TEX14: variants seen among roughly 807,000 people sequenced by gnomAD.
TEX14 encodes the protein inactive serine/threonine-protein kinase TEX14.
In TEX14, 168 loss-of-function variants were observed where a neutral mutation model predicts 178.6. That is an observed-to-expected ratio of 0.94 (90% CI 0.83 to 1.07). The LOEUF is 1.07. Among genes scored for constraint, TEX14 ranks in the 50% least tolerant of loss-of-function variants. The pLI is 0.00. For synonymous variants in TEX14, 626 were observed against 634.1 expected (o/e 0.99, Z 0.19); for missense variants, 1,730 against 1,753.6 (o/e 0.99, Z 0.24).
At chr17:58,649,571 T>C (rs1258779264) in intron 2 of TEX14, among the ~76,000 whole-genome samples, 2 of 152,090 alleles carry the variant, frequency 1.3e-5, no homozygotes, top group Admixed American at 1.3e-4. Flanking sequence ...TAACTGAATA[T>C]CAAGCATTTG....
chr17:58,620,847 C>A (rs187335424), intron 5 of TEX14, among the ~76,000 whole-genome samples: 6 of 140,738 alleles, frequency 4.3e-5, no homozygotes, highest in Non-Finnish European at 1.0e-4. Flanking sequence ...CCAAAACTGG[C>A]CAGAGTGGCA....
intron 4 of TEX14, 39 bp from the exon 5 acceptor site, chr17:58,621,825 A>G (rs1414239831): frequency 6.3e-7 from 1 of 1,575,908 alleles, no homozygotes; most frequent in Non-Finnish European, 8.6e-7. Flanking sequence ...CGGGCGCACC[A>G]GTTCTCAATG....
intron 27 of TEX14, 145 bp from the exon 28 acceptor site, chr17:58,565,113 G>T (rs1350966197): frequency 4.4e-6 from 2 of 458,628 alleles, no homozygotes; most frequent in African/African-American, 4.1e-5. Flanking sequence ...GGAGAGCAGG[G>T]GGCCAGGTGG....
At chr17:58,609,149 G>A (rs760998770) in intron 10 of TEX14, among the ~76,000 whole-genome samples, 2 of 152,002 alleles carry the variant, frequency 1.3e-5, no homozygotes, top group Admixed American at 6.6e-5. Flanking sequence ...TCGCTCTGTC[G>A]CCCAGGCTGG....
intron 14 of TEX14, among the ~76,000 whole-genome samples, chr17:58,596,011 CCT>C (rs1221548065): frequency 6.6e-6 from 1 of 152,030 alleles, no homozygotes; most frequent in Non-Finnish European, 1.5e-5. Flanking sequence ...GGTAAAACCC[CCT>C]CTCTACTAAA....
chr17:58,626,336 C>A (rs988276912), intron 3 of TEX14, among the ~76,000 whole-genome samples: 7 of 151,488 alleles, frequency 4.6e-5, no homozygotes, highest in African/African-American at 1.7e-4. Flanking sequence ...GAGGCCGAGG[C>A]GGGTGGATCA....
intron 2 of TEX14, among the ~76,000 whole-genome samples, chr17:58,640,959 A>T (rs962587586): frequency 2.0e-5 from 3 of 151,974 alleles, no homozygotes; most frequent in African/African-American, 7.3e-5. Flanking sequence ...AGCTCAACTG[A>T]TCCACCAGCC....
At chr17:58,605,806 T>A (rs2045593598) in intron 10 of TEX14, among the ~76,000 whole-genome samples, 1 of 152,200 alleles carries the variant, frequency 6.6e-6, no homozygotes, top group Admixed American at 6.5e-5. Flanking sequence ...AGTAGTCCTG[T>A]TTTATTGGTT....
intron 1 of TEX14, among the ~76,000 whole-genome samples, chr17:58,686,998 C>T (rs982967182): frequency 2.7e-5 from 4 of 150,758 alleles, no homozygotes; most frequent in Non-Finnish European, 4.4e-5. Context: ...CTCAGTCTCC[C>T]GAGTAGCTGG....
At chr17:58,557,152 G>A in intron 31 of TEX14, 105 bp from the exon 32 acceptor site, 1 of 991,884 alleles carries the variant, frequency 1.0e-6, no homozygotes, top group Non-Finnish European at 1.6e-6. Context: ...AAATTCAAGG[G>A]AAAGGAATTT....
chr17:58,585,446 CTTTTAT>C (rs1316959606), intron 18 of TEX14, among the ~76,000 whole-genome samples: 1 of 151,474 alleles, frequency 6.6e-6, no homozygotes. Flanking sequence ...CTTTTTTTTA[CTTTTAT>C]TTTTATTTTG....
At chr17:58,643,426 A>ATTTC (rs1292570022) in intron 2 of TEX14, among the ~76,000 whole-genome samples, 1 of 151,946 alleles carries the variant, frequency 6.6e-6, no homozygotes, top group Non-Finnish European at 1.5e-5. Flanking sequence ...TCCCAAACGT[A>ATTTC]TTTCTCTTTT....
At position 58,574,234 on chromosome 17, in the gene TEX14, T is replaced by C; in HGVS notation, c.3336A>G (p.Gln1112=). 6.2e-7 allele frequency: 1 copy of C among 1,613,372 alleles called. No homozygotes were observed. Among genetic ancestry groups the C allele is most frequent in the East Asian group, 2.2e-5 (1 of 44,864 alleles). Residue 1112 remains glutamine (Q), a synonymous_variant, in exon 22 of 32, where the codon CAA becomes CAG. Transcript: ENST00000349033. ...FQPVRSTEDE[Q]EETSKESPKE... is the part of the protein sequence containing the mutation. Reference sequence around the variant, plus strand: ...TTGGTGACTCCTTTGATGTCTCTTCTTGTTCATCTTCAGTACTGTGAGAAA... The same window carrying C: ...TTGGTGACTCCTTTGATGTCTCTTCCTGTTCATCTTCAGTACTGTGAGAAA...
At chr17:58,579,465 G>A (rs919578690) in intron 20 of TEX14, among the ~76,000 whole-genome samples, 200 bp downstream of exon 20, 5 of 152,172 alleles carry the variant, frequency 3.3e-5, no homozygotes, top group Admixed American at 1.3e-4. Flanking sequence ...AATACAACAC[G>A]TGGATGTCAT....
chr17:58,625,319 G>T (rs1013299728), intron 3 of TEX14, among the ~76,000 whole-genome samples: 7 of 151,862 alleles, frequency 4.6e-5, no homozygotes, highest in African/African-American at 1.5e-4. Flanking sequence ...ATTTTTAGTA[G>T]AGACGAAGTT....
rs574058069 is a variant in TEX14, at chr17:58,632,169, G to A, written c.137-1615C>T. Among the ~76,000 whole-genome samples, 15 of 152,292 alleles carry A rather than the reference G, an allele frequency of 9.8e-5. No individual in the cohort carries two copies. The South Asian group carries it at 3.1e-3, about 32-fold the overall frequency. ...ACCGTCAGGGAAACTGCCCGGTTTG[G>A]ACTGATGATCGGAAGCAAGAAGGCC... On this transcript the variant is annotated intron_variant, in intron 2 of 31. Coordinates refer to ENST00000349033, the MANE Select transcript of TEX14 (RefSeq NM_031272.5).
At chr17:58,631,057 A>C (rs781007523) in intron 2 of TEX14, 10 of 502,220 alleles carry the variant, frequency 2.0e-5, no homozygotes, top group Non-Finnish European at 2.6e-5. Flanking sequence ...AAAAGGCCAA[A>C]GTAGTAACAT....
At chr17:58,588,756 C>CT (rs1362441180) in intron 15 of TEX14, among the ~76,000 whole-genome samples, 1 of 152,148 alleles carries the variant, frequency 6.6e-6, no homozygotes, top group African/African-American at 2.4e-5. Context: ...ATAAAGGCGT[C>CT]TTTTTTTCCT....
chr17:58,636,998 G>A (rs147503384), intron 2 of TEX14, among the ~76,000 whole-genome samples: 14 of 152,084 alleles, frequency 9.2e-5, no homozygotes, highest in East Asian at 5.8e-4. Context: ...AGGCAGAAGC[G>A]GGTGAATCAC....
Sources: gnomAD v4.1 joint callset for allele counts (sites outside exome capture counted in the v4.1 genomes callset) on GRCh38, gnomAD v4.1.1 for gene constraint, MANE v1.5 for transcripts, NCBI Gene and HGNC (gene_info 2026-07-23, HGNC 2026-07-21) for gene names.